PPP2R2C: variants seen among roughly 807,000 people sequenced by gnomAD.
The protein encoded by PPP2R2C is protein phosphatase 2, regulatory subunit B, gamma.
In PPP2R2C, 10 loss-of-function variants were observed where a neutral mutation model predicts 45.3. The observed-to-expected ratio is 0.22, with a 90% confidence interval of 0.14 to 0.37. The LOEUF is 0.37. Among genes scored for constraint, PPP2R2C ranks in the 10% least tolerant of loss-of-function variants. PPP2R2C has a pLI of 1.00. For synonymous variants in PPP2R2C, 257 were observed against 245.4 expected (o/e 1.05, Z -0.44); for missense variants, 308 against 619.7 (o/e 0.50, Z 5.34).
intron 1 of PPP2R2C, among the ~76,000 whole-genome samples, chr4:6,420,324 G>C (rs997418836): frequency 7.3e-5 from 11 of 150,130 alleles, no homozygotes; most frequent in African/African-American, 2.4e-4. Context: ...ATAAAGGTGA[G>C]AATAAGATCA....
chr4:6,458,467 G>C (rs966649209), intron 1 of PPP2R2C, among the ~76,000 whole-genome samples: 6 of 152,072 alleles, frequency 3.9e-5, no homozygotes, highest in African/African-American at 1.2e-4. Flanking sequence ...TCTTTTATAA[G>C]GGCACTAATC....
At chr4:6,352,251 G>A (rs1278369567) in intron 5 of PPP2R2C, among the ~76,000 whole-genome samples, 5 of 152,092 alleles carry the variant, frequency 3.3e-5, no homozygotes, top group Non-Finnish European at 5.9e-5. Flanking sequence ...CCGGCTGGGC[G>A]TCTGGTCTTG....
chr4:6,338,703 A>C (rs1402562257), intron 6 of PPP2R2C, among the ~76,000 whole-genome samples: 1 of 151,352 alleles, frequency 6.6e-6, no homozygotes, highest in East Asian at 1.9e-4. Flanking sequence ...TCTGCCGCAC[A>C]CTCCAGCCCC....
rs971189433 is a variant in PPP2R2C at position 6,364,787 on chromosome 4, G to A, written c.625+7736C>T. Among the ~76,000 whole-genome samples the A allele has an allele frequency of 2.6e-5, 4 of 152,116 alleles. No individual in the cohort carries two copies. The highest frequency in any genetic ancestry group is 4.4e-5 in the Non-Finnish European group (3 of 68,020). Reference sequence around the variant, plus strand: ...CTGGCTCCTAGACCTAAGAAGGGAGGCCAGTCAGGTCACCATCATGATCAG... The same window carrying A: ...CTGGCTCCTAGACCTAAGAAGGGAGACCAGTCAGGTCACCATCATGATCAG... On this transcript the variant is annotated intron_variant, in intron 5 of 8. Coordinates refer to ENST00000382599, the MANE Select transcript of PPP2R2C (RefSeq NM_020416.4). This position sits in a 1 kb window ranked among gnomAD's most constrained non-coding sequence, Gnocchi z 5.3.
In PPP2R2C at chr4:6,324,106, A is replaced by T. The variant is rs1344348769; in HGVS notation, c.1053-513T>A. On this transcript the variant is annotated intron_variant, in intron 8 of 8. Coordinates refer to ENST00000382599, the MANE Select transcript of PPP2R2C (RefSeq NM_020416.4). The surrounding 1 kb of genome is among the most constrained non-coding windows in gnomAD (Gnocchi z 4.1). ...GCAGACTTTGGGGCCAGGAGCTAAGATCCTTTTTATCCTCTGCCCCAATCA... is the reference window on the plus strand; with the variant it reads ...GCAGACTTTGGGGCCAGGAGCTAAGTTCCTTTTTATCCTCTGCCCCAATCA... 6.6e-6 allele frequency among the ~76,000 whole-genome samples: 1 copy of T among 151,958 alleles called. No individual in the cohort carries two copies. The highest frequency in any genetic ancestry group is 1.5e-5 in the Non-Finnish European group (1 of 67,990).
chr4:6,540,615 G>A (rs1052678144), intron 1 of PPP2R2C, among the ~76,000 whole-genome samples: 1 of 152,238 alleles, frequency 6.6e-6, no homozygotes, highest in African/African-American at 2.4e-5. Context: ...TGGGTCATGA[G>A]ATAAATCTAT....
At position 6,517,030 on chromosome 4, in the gene PPP2R2C, T is replaced by A. The variant is rs547655430; in HGVS notation, c.49+18241A>T. 4.6e-5 allele frequency among the ~76,000 whole-genome samples: 7 copies of A among 152,278 alleles called. 1 individual carries two copies. The South Asian group carries it at 1.4e-3, about 32-fold the overall frequency. On this transcript the variant is annotated intron_variant, in intron 2 of 9. Transcript: ENST00000506140. Reference sequence around the variant, plus strand: ...TTTTCTTTAAAAAGCCCTGCTGCAGTGGGTTCCTCCCACGCCCACACTCCC... The same window carrying A: ...TTTTCTTTAAAAAGCCCTGCTGCAGAGGGTTCCTCCCACGCCCACACTCCC...
chr4:6,410,857 ATTTATTTAT>A (rs1241700923), intron 1 of PPP2R2C, among the ~76,000 whole-genome samples: 13 of 146,268 alleles, frequency 8.9e-5, no homozygotes, highest in African/African-American at 3.4e-4. Context: ...TTATTTATTT[ATTTATTTAT>A]TTATTTATTT....
intron 1 of PPP2R2C, among the ~76,000 whole-genome samples, chr4:6,391,785 C>T (rs1560509452): frequency 6.6e-6 from 1 of 152,238 alleles, no homozygotes; most frequent in African/African-American, 2.4e-5. Context: ...CTGGAGGTGC[C>T]ATGGCTATGC....
intron 6 of PPP2R2C, among the ~76,000 whole-genome samples, chr4:6,337,123 T>C (rs1733028292): frequency 2.6e-5 from 1 of 38,030 alleles, no homozygotes; most frequent in Non-Finnish European, 4.7e-5. Flanking sequence ...TATATATATA[T>C]ATATATATAT....
At chr4:6,386,138 C>G (rs1051864217) in intron 1 of PPP2R2C, among the ~76,000 whole-genome samples, 3 of 152,186 alleles carry the variant, frequency 2.0e-5, no homozygotes, top group African/African-American at 7.2e-5. Flanking sequence ...AACAAAATGA[C>G]ACTCTGAAGG....
chr4:6,376,789 G>T (rs994345233), intron 3 of PPP2R2C, among the ~76,000 whole-genome samples: 1 of 152,164 alleles, frequency 6.6e-6, no homozygotes, highest in Non-Finnish European at 1.5e-5. Flanking sequence ...AAAGGAGCAG[G>T]TGCATGGGGA....
At chr4:6,454,536 T>C (rs1421005860) in intron 1 of PPP2R2C, among the ~76,000 whole-genome samples, 2 of 152,116 alleles carry the variant, frequency 1.3e-5, no homozygotes, top group Non-Finnish European at 2.9e-5. Context: ...AATGTGTGAG[T>C]GAGACCATCT....
intron 1 of PPP2R2C, among the ~76,000 whole-genome samples, chr4:6,539,663 G>A (rs1288301212): frequency 1.3e-5 from 2 of 152,190 alleles, no homozygotes; most frequent in African/African-American, 4.8e-5. Flanking sequence ...CTGCCGACCA[G>A]GCAGTGGTCA....
intron 1 of PPP2R2C, among the ~76,000 whole-genome samples, chr4:6,410,631 G>A (rs946758763): frequency 6.6e-6 from 1 of 152,068 alleles, no homozygotes; most frequent in East Asian, 1.9e-4. Context: ...GGTGTGTGAG[G>A]GGGTGTGGCT....
chr4:6,330,043 TGAGGCTCACAGGGTCACACAGCCTCTAA>T lies in PPP2R2C; in HGVS notation c.961-718_961-691del, dbSNP rs1406249024. Among the ~76,000 whole-genome samples, 10 of 152,084 alleles carry T rather than the reference TGAGGCTCACAGGGTCACACAGCCTCTAA, an allele frequency of 6.6e-5. No homozygotes were observed. The highest frequency in any genetic ancestry group is 1.2e-4 in the Non-Finnish European group (8 of 68,014). The stretch of plus-strand genomic sequence containing the variant: ...CTCATCCATCCACAGCACGAGGCAC[TGAGGCTCACAGGGTCACACAGCCTCTAA>T]GAGGCTGACCAGGACCCTTCCCCAG... On this transcript the variant is annotated intron_variant, in intron 7 of 8. Coordinates refer to ENST00000382599, the MANE Select transcript of PPP2R2C (RefSeq NM_020416.4). This position sits in a 1 kb window ranked among gnomAD's most constrained non-coding sequence, Gnocchi z 7.0.
chr4:6,423,326 C>A (rs1719093890), intron 1 of PPP2R2C, among the ~76,000 whole-genome samples: 1 of 152,216 alleles, frequency 6.6e-6, no homozygotes. Flanking sequence ...GCCTCAGCCT[C>A]CCAAGTAGCT....
intron 1 of PPP2R2C, among the ~76,000 whole-genome samples, chr4:6,411,844 G>A (rs9291116): frequency 0.27 from 40,973 of 152,148 alleles, 5,899 homozygotes; most frequent in Admixed American, 0.38. Flanking sequence ...GAGCCACCGC[G>A]CCCGGCCTCC....
At chr4:6,381,776 C>G in intron 1 of PPP2R2C, 1 of 1,613,224 alleles carries the variant, frequency 6.2e-7, no homozygotes, top group Non-Finnish European at 8.5e-7. Flanking sequence ...CACCCCCATA[C>G]CTGGAGTCTT....
Sources: gnomAD v4.1 joint callset for allele counts (sites outside exome capture counted in the v4.1 genomes callset) on GRCh38, gnomAD v4.1.1 for gene constraint, Gnocchi (gnomAD v3.1) non-coding constraint, MANE v1.5 for transcripts, NCBI Gene and HGNC (gene_info 2026-07-23, HGNC 2026-07-21) for gene names.